TBC1D1: variants seen among roughly 807,000 people sequenced by gnomAD.
TBC1D1 encodes the protein TBC1 domain family member 1.
Under a neutral mutation model 125.6 loss-of-function variants are expected in TBC1D1, and 89 were observed. The ratio of observed to expected loss-of-function variants is 0.71; its 90% CI spans 0.60 to 0.85. TBC1D1 has a LOEUF of 0.85. TBC1D1 is among the 40% of genes least tolerant of loss of function. The pLI, the probability that TBC1D1 is intolerant of heterozygous loss-of-function variation, is 0.00. For missense variants in TBC1D1, 1,377 were observed against 1,469.2 expected, an observed-to-expected ratio of 0.94 and a Z score of 1.03; for synonymous variants, 565 against 564.1, an observed-to-expected ratio of 1.00 and a Z score of -0.02.
At chr4:37,952,263 A>AT in intron 2 of TBC1D1, 1 of 561,136 alleles carries the variant, frequency 1.8e-6, no homozygotes, top group South Asian at 2.3e-5. Flanking sequence ...TAGATTTTAG[A>AT]TTTTTTACTT....
Position 37,950,480 on chromosome 4 carries a change from T to G in TBC1D1, c.417+47968T>G, listed in dbSNP as rs779308928. ...AAATAGGATTGAGTTAATGGATTTT[T>G]CAAAAAATTCTTAAGACTTCATTTT... On this transcript the variant is annotated intron_variant, in intron 2 of 19. Transcript: ENST00000261439. Among the ~76,000 whole-genome samples the G allele has an allele frequency of 3.0e-4, 39 of 128,084 alleles. 1 individual carries two copies. Among genetic ancestry groups the G allele is most frequent in the Non-Finnish European group, 6.5e-4 (37 of 56,582 alleles). 84.0% of individuals were successfully genotyped at this position (128,084 alleles called of 152,430 possible). A position where few individuals can be genotyped will look rare whatever the true frequency, so the allele number is the denominator to read the frequency against.
intron 12 of TBC1D1, among the ~76,000 whole-genome samples, chr4:38,057,207 C>T (rs1751887028): frequency 6.6e-6 from 1 of 152,204 alleles, no homozygotes. Flanking sequence ...GATGCAGGTT[C>T]CCACTAGCCC....
At position 38,138,183 on chromosome 4, in the gene TBC1D1, T is replaced by C. The variant is rs1345473689; in HGVS notation, c.*848T>C. On this transcript the variant is annotated 3_prime_UTR_variant, in exon 20 of 20. Coordinates refer to ENST00000261439, the MANE Select transcript of TBC1D1 (RefSeq NM_015173.4). ...ATTTTTGCTTATCCCATAAGTACAG[T>C]TGATCAAAGTCATAGTAGGTAAATG... The C allele has an allele frequency of 6.6e-6, 1 of 152,174 alleles. No homozygotes were observed. Among genetic ancestry groups the C allele is most frequent in the African/African-American group, 2.4e-5 (1 of 41,432 alleles). The allele number at this position is 152,174 out of a possible 1,614,324, so 9.4% of individuals were successfully genotyped here.
chr4:38,088,710 A>C (rs1401338993), intron 12 of TBC1D1, among the ~76,000 whole-genome samples: 1 of 152,046 alleles, frequency 6.6e-6, no homozygotes, highest in Non-Finnish European at 1.5e-5. Flanking sequence ...CTATTAACTC[A>C]GTCTCTTTAC....
intron 2 of TBC1D1, among the ~76,000 whole-genome samples, chr4:37,964,291 C>T (rs17579125): frequency 0.28 from 42,356 of 152,024 alleles, 6,127 homozygotes; most frequent in Middle Eastern, 0.39. Context: ...TCTTGGAGTC[C>T]CCTAGGCTTC....
intron 18 of TBC1D1, chr4:38,132,697 T>G (rs1450205604): frequency 3.0e-5 from 5 of 168,576 alleles, no homozygotes; most frequent in African/African-American, 7.2e-5. Flanking sequence ...TTTGTTTCTT[T>G]TCTCCTTTTA....
At chr4:38,045,561 G>A (rs994449392) in intron 9 of TBC1D1, among the ~76,000 whole-genome samples, 1 of 152,094 alleles carries the variant, frequency 6.6e-6, no homozygotes, top group African/African-American at 2.4e-5. Flanking sequence ...TAGACGAATT[G>A]TCTTGTCTTC....
At chr4:37,920,946 TAAAAATACA>T (rs1469302574) in intron 2 of TBC1D1, among the ~76,000 whole-genome samples, 1 of 151,524 alleles carries the variant, frequency 6.6e-6, no homozygotes, top group Non-Finnish European at 1.5e-5. Context: ...CTGTCTCTAC[TAAAAATACA>T]AAAAATTAGC....
intron 15 of TBC1D1, chr4:38,110,411 A>C (rs1762010837): frequency 1.0e-6 from 1 of 985,292 alleles, no homozygotes; most frequent in African/African-American, 1.7e-5. Context: ...TGCTGGGTGA[A>C]GGCTCTTCCC....
intron 6 of TBC1D1, among the ~76,000 whole-genome samples, chr4:38,027,227 G>A (rs1345491055): frequency 6.6e-6 from 1 of 152,202 alleles, no homozygotes; most frequent in Non-Finnish European, 1.5e-5. Flanking sequence ...TCATCAGATT[G>A]TTTTGAGAAT....
chr4:38,001,243 G>GAAAT (rs1339750845), intron 2 of TBC1D1, among the ~76,000 whole-genome samples: 1 of 151,180 alleles, frequency 6.6e-6, no homozygotes, highest in African/African-American at 2.4e-5. Context: ...AAGAAAGAAA[G>GAAAT]AATACCACTC....
intron 2 of TBC1D1, among the ~76,000 whole-genome samples, chr4:37,967,645 A>C (rs1330319404): frequency 6.6e-6 from 1 of 152,182 alleles, no homozygotes; most frequent in South Asian, 2.1e-4. Context: ...ATTTTTATTC[A>C]CTAATAGATT....
chr4:38,056,289 A>C (rs1751693783), intron 12 of TBC1D1, among the ~76,000 whole-genome samples: 1 of 152,140 alleles, frequency 6.6e-6, no homozygotes, highest in Non-Finnish European at 1.5e-5. Context: ...CCCTGGTCCG[A>C]GTCCTGTCCT....
intron 1 of TBC1D1, among the ~76,000 whole-genome samples, chr4:37,898,509 T>C (rs1715124585): frequency 6.6e-6 from 1 of 152,044 alleles, no homozygotes; most frequent in Non-Finnish European, 1.5e-5. Flanking sequence ...AGAAATAGAG[T>C]CTTCCTCTGG....
intron 12 of TBC1D1, 72 bp from the exon 15 acceptor site, chr4:38,089,860 A>ATTTGACACTG (rs1281738241): frequency 1.1e-5 from 16 of 1,425,370 alleles, no homozygotes; most frequent in African/African-American, 1.4e-5. Flanking sequence ...GAATTTGCTG[A>ATTTGACACTG]TTTGACACTG....
intron 2 of TBC1D1, among the ~76,000 whole-genome samples, chr4:37,976,018 AGACTT>A (rs2152352733): frequency 1.3e-5 from 2 of 152,304 alleles, no homozygotes; most frequent in African/African-American, 4.8e-5. Context: ...AGTGTGGACT[AGACTT>A]ATGTCTTTGG....
At chr4:38,070,788 T>C (rs1754575638) in intron 12 of TBC1D1, among the ~76,000 whole-genome samples, 1 of 152,204 alleles carries the variant, frequency 6.6e-6, no homozygotes, top group African/African-American at 2.4e-5. Flanking sequence ...AATTTTGTAT[T>C]GTAGTGACTT....
rs1316649798 is a variant in TBC1D1 at position 37,977,487 on chromosome 4, C to A, written c.418-37022C>A. 3 of 989,638 alleles carry A rather than the reference C, an allele frequency of 3.0e-6. No individual in the cohort carries two copies. The South Asian group carries it at 1.4e-4, about 45-fold the overall frequency. 61.3% of individuals were successfully genotyped at this position (989,638 alleles called of 1,614,324 possible). On this transcript the variant is annotated intron_variant, in intron 2 of 19. Transcript: ENST00000261439. This position sits in a 1 kb window ranked among gnomAD's most constrained non-coding sequence, Gnocchi z 4.3. ...CGGGAGCCGGCGGGCGAAGAGCCGCCGCCCGGCCCGCGATGTCACCATTGT... is the reference window on the plus strand; with the variant it reads ...CGGGAGCCGGCGGGCGAAGAGCCGCAGCCCGGCCCGCGATGTCACCATTGT...
At chr4:38,068,852 G>A (rs1754197658) in intron 12 of TBC1D1, among the ~76,000 whole-genome samples, 1 of 152,188 alleles carries the variant, frequency 6.6e-6, no homozygotes, top group Non-Finnish European at 1.5e-5. Flanking sequence ...TGCTGCTCAA[G>A]GTGGTGAACT....
Sources: gnomAD v4.1 joint callset for allele counts (sites outside exome capture counted in the v4.1 genomes callset) on GRCh38, gnomAD v4.1.1 for gene constraint, Gnocchi (gnomAD v3.1) non-coding constraint, MANE v1.5 for transcripts, NCBI Gene and HGNC (gene_info 2026-07-23, HGNC 2026-07-21) for gene names.